The following DIAPH2 variants were observed in gnomAD, a reference collection of about 807,000 sequenced individuals.
DIAPH2 encodes diaphanous related formin 2.
A neutral mutation model predicts 92.7 loss-of-function variants in DIAPH2; 35 were observed. The ratio of observed to expected loss-of-function variants is 0.38; its 90% CI spans 0.29 to 0.50. The LOEUF is 0.50. Among genes scored for constraint, DIAPH2 ranks in the 20% least tolerant of loss-of-function variants. The probability of loss-of-function intolerance (pLI) is 0.94; values close to 1 mark genes in which losing one functional copy is unlikely to be tolerated. For synonymous variants in DIAPH2, 301 were observed against 280.4 expected (o/e 1.07, Z -0.73); for missense variants, 701 against 819.5 (o/e 0.86, Z 1.77).
intron 4 of DIAPH2, among the ~76,000 whole-genome samples, chrX:96,839,169 A>C (rs913409386): frequency 6.3e-5 from 7 of 111,517 alleles, no homozygotes; most frequent in African/African-American, 2.3e-4. Context: ...TAAGTGCTTA[A>C]GAACGTGAGA....
chrX:97,553,987 T>G (rs1181140922), intron 26 of DIAPH2, among the ~76,000 whole-genome samples: 1 of 112,027 alleles, frequency 8.9e-6, no homozygotes, highest in Non-Finnish European at 1.9e-5. Flanking sequence ...ATGTACCTTG[T>G]ATATGTATGT....
intron 26 of DIAPH2, among the ~76,000 whole-genome samples, chrX:97,481,143 T>C (rs1166266418): frequency 8.9e-6 from 1 of 111,820 alleles, no homozygotes; most frequent in Non-Finnish European, 1.9e-5. Context: ...TGTAGTTCTG[T>C]TGACACTTAG....
In DIAPH2 at chrX:96,952,025, A is replaced by G. The variant is rs186901959; in HGVS notation, c.1614+2986A>G. On this transcript the variant is annotated intron_variant, in intron 15 of 26. Coordinates refer to ENST00000324765, the MANE Select transcript of DIAPH2 (RefSeq NM_006729.5). Reference sequence around the variant, plus strand: ...TTTTGCCTTTCGAAGTATGAAAAATATCATGTCATACACAAAATTTGTAGG... The same window carrying G: ...TTTTGCCTTTCGAAGTATGAAAAATGTCATGTCATACACAAAATTTGTAGG... 1.1e-3 allele frequency among the ~76,000 whole-genome samples: 120 copies of G among 111,942 alleles called. 1 individual carries two copies. Among genetic ancestry groups the G allele is most frequent in the African/African-American group, 3.8e-3 (116 of 30,908 alleles).
chrX:97,435,072 G>C (rs1308327194), intron 26 of DIAPH2, among the ~76,000 whole-genome samples: 1 of 111,446 alleles, frequency 9.0e-6, no homozygotes, highest in Non-Finnish European at 1.9e-5. Context: ...CCTAAGAAGG[G>C]AGGAGAGGTG....
chrX:97,154,236 G>A lies in DIAPH2; in HGVS notation c.2719+12442G>A, dbSNP rs73250792. 2.9e-3 allele frequency among the ~76,000 whole-genome samples: 326 copies of A among 111,581 alleles called. 1 individual carries two copies. The highest frequency in any genetic ancestry group is 5.3e-3 in the Non-Finnish European group (284 of 53,157). On this transcript the variant is annotated intron_variant, in intron 22 of 26. Transcript: ENST00000324765. ...GCATGGTTTTATAGAAAAGGAGACTGAGGCTCAGAAACGTGAAGTAAAGTG... is the reference window on the plus strand; with the variant it reads ...GCATGGTTTTATAGAAAAGGAGACTAAGGCTCAGAAACGTGAAGTAAAGTG...
chrX:97,320,942 G>C (rs1170158275), intron 23 of DIAPH2, among the ~76,000 whole-genome samples: 1 of 111,468 alleles, frequency 9.0e-6, no homozygotes, highest in Non-Finnish European at 1.9e-5. Context: ...TTTAATTTCT[G>C]ATGGAATTAG....
intron 4 of DIAPH2, among the ~76,000 whole-genome samples, chrX:96,833,953 C>T (rs2064872042): frequency 9.0e-6 from 1 of 111,582 alleles, no homozygotes; most frequent in South Asian, 3.8e-4. Context: ...GCCACCACCA[C>T]GCCCGGCCAG....
In DIAPH2 at chrX:96,818,544, T is replaced by TA. The variant is rs199781094; in HGVS notation, c.447+60289dup. Reference sequence around the variant, plus strand: ...TAACCCCAGGTCACATATGGCTACTTAAATTTAATTAAAATTGATTAAAAT... The same window carrying TA: ...TAACCCCAGGTCACATATGGCTACTTAAAATTTAATTAAAATTGATTAAAAT... On this transcript the variant is annotated intron_variant, in intron 4 of 26. Transcript: ENST00000324765. 5.7e-3 allele frequency among the ~76,000 whole-genome samples: 637 copies of TA among 111,721 alleles called. 9 individuals carry two copies. Among genetic ancestry groups the TA allele is most frequent in the African/African-American group, 0.02 (615 of 30,647 alleles).
chrX:97,280,065 A>G (rs1187952819), intron 23 of DIAPH2, among the ~76,000 whole-genome samples: 5 of 111,983 alleles, frequency 4.5e-5, no homozygotes, highest in Admixed American at 1.9e-4. Context: ...AAGTTTTCTT[A>G]GTCTCAATCC....
chrX:97,129,149 T>TC (rs35612983), intron 21 of DIAPH2, among the ~76,000 whole-genome samples: 34 of 101,546 alleles, frequency 3.3e-4, no homozygotes, highest in African/African-American at 1.2e-3. Context: ...TTCTTTTCTT[T>TC]CTTTTCTTTT....
intron 25 of DIAPH2, among the ~76,000 whole-genome samples, chrX:97,421,966 A>C (rs1290588030): frequency 8.9e-6 from 1 of 111,879 alleles, no homozygotes; most frequent in African/African-American, 3.2e-5. Flanking sequence ...ATGCTGATTC[A>C]AAGTGGCCTC....
chrX:97,105,885 C>T (rs1310563409), intron 20 of DIAPH2, among the ~76,000 whole-genome samples: 3 of 111,760 alleles, frequency 2.7e-5, no homozygotes, highest in African/African-American at 6.5e-5. Flanking sequence ...TGTGATATTG[C>T]GGACAGCACA....
At chrX:96,812,804 G>T (rs945162572) in intron 4 of DIAPH2, among the ~76,000 whole-genome samples, 1 of 111,766 alleles carries the variant, frequency 8.9e-6, no homozygotes, top group Non-Finnish European at 1.9e-5. Context: ...GGAGCAGGTT[G>T]TTCAGTTTCC....
At chrX:96,857,607 G>A (rs1455400407) in intron 4 of DIAPH2, among the ~76,000 whole-genome samples, 4 of 112,112 alleles carry the variant, frequency 3.6e-5, no homozygotes, top group South Asian at 3.7e-4. Context: ...CATACATTTC[G>A]AAAGTTATGT....
At chrX:97,514,490 G>C (rs1365302311) in intron 26 of DIAPH2, among the ~76,000 whole-genome samples, 17 of 112,805 alleles carry the variant, frequency 1.5e-4, no homozygotes, top group Non-Finnish European at 3.2e-4. Flanking sequence ...TTGATCGTCT[G>C]AAGCCTTCTT....
At chrX:97,134,052 A>G (rs1394609664) in intron 21 of DIAPH2, among the ~76,000 whole-genome samples, 1 of 112,183 alleles carries the variant, frequency 8.9e-6, no homozygotes, top group Non-Finnish European at 1.9e-5. Flanking sequence ...TATCTAGTCC[A>G]TCACTCTGAT....
At chrX:96,804,949 C>T (rs976975957) in intron 4 of DIAPH2, among the ~76,000 whole-genome samples, 1 of 110,542 alleles carries the variant, frequency 9.0e-6, no homozygotes, top group Non-Finnish European at 1.9e-5. Context: ...TGTGGAAGCC[C>T]TTAATCTCAT....
At chrX:97,104,235 G>T (rs2066924100) in intron 20 of DIAPH2, among the ~76,000 whole-genome samples, 1 of 112,011 alleles carries the variant, frequency 8.9e-6, no homozygotes, top group African/African-American at 3.2e-5. Flanking sequence ...GAATGCATTT[G>T]CATGAATGGA....
At chrX:97,022,553 AT>A (rs1192502279) in intron 17 of DIAPH2, among the ~76,000 whole-genome samples, 1 of 112,109 alleles carries the variant, frequency 8.9e-6, no homozygotes, top group Non-Finnish European at 1.9e-5. Flanking sequence ...ATTGATGAGC[AT>A]TTTATTTTTA....
Sources: gnomAD v4.1 joint callset for allele counts (sites outside exome capture counted in the v4.1 genomes callset) on GRCh38, gnomAD v4.1.1 for gene constraint, MANE v1.5 for transcripts, NCBI Gene and HGNC (gene_info 2026-07-23, HGNC 2026-07-21) for gene names.